GPC6: variants seen among roughly 807,000 people sequenced by gnomAD.
GPC6 encodes glypican-6.
GPC6 carries 14 observed loss-of-function variants against 55.2 expected under a neutral mutation model. The observed-to-expected ratio is 0.25, with a 90% CI of 0.17 to 0.40. GPC6 has a LOEUF of 0.40. GPC6 is among the 10% of genes least tolerant of loss of function. GPC6 has a pLI of 1.00. For synonymous variants in GPC6, 278 were observed against 259.6 expected (o/e 1.07, Z -0.68); for missense variants, 641 against 708.5 (o/e 0.90, Z 1.08).
chr13:94,322,147 T>C (rs1876861463), intron 6 of GPC6, among the ~76,000 whole-genome samples: 1 of 152,200 alleles, frequency 6.6e-6, no homozygotes, highest in South Asian at 2.1e-4. Context: ...CCCCATACTG[T>C]TCACGAGACT....
intron 6 of GPC6, among the ~76,000 whole-genome samples, chr13:94,343,488 A>C (rs1200282198): frequency 1.3e-5 from 2 of 152,206 alleles, no homozygotes; most frequent in African/African-American, 4.8e-5. Context: ...AACTGAGTGC[A>C]TAAGACTCAT....
chr13:93,882,328 G>A (rs1239435091), intron 3 of GPC6, among the ~76,000 whole-genome samples: 2 of 151,684 alleles, frequency 1.3e-5, no homozygotes, highest in African/African-American at 4.8e-5. Context: ...TGAATTTTGT[G>A]TAGAGACAGG....
intron 4 of GPC6, among the ~76,000 whole-genome samples, chr13:94,251,510 A>G (rs1389407738): frequency 6.6e-6 from 1 of 152,038 alleles, no homozygotes; most frequent in Admixed American, 6.6e-5. Context: ...AGAATTGAGA[A>G]AGACTATACA....
chr13:93,891,892 GTA>G (rs1875707207), intron 3 of GPC6, among the ~76,000 whole-genome samples: 2 of 151,780 alleles, frequency 1.3e-5, no homozygotes, highest in East Asian at 3.9e-4. Flanking sequence ...TATATTGTGT[GTA>G]TAGTGTGTGT....
At chr13:93,387,904 A>C (rs1875467609) in intron 1 of GPC6, among the ~76,000 whole-genome samples, 1 of 152,132 alleles carries the variant, frequency 6.6e-6, no homozygotes, top group Admixed American at 6.6e-5. Flanking sequence ...TTTCTATTTC[A>C]TCAGTTTTAT....
intron 3 of GPC6, among the ~76,000 whole-genome samples, chr13:93,936,688 T>A (rs1878451208): frequency 6.6e-6 from 1 of 152,172 alleles, no homozygotes; most frequent in South Asian, 2.1e-4. Flanking sequence ...TATTTACTTA[T>A]CCCAATGCAT....
At chr13:93,817,241 T>TA (rs2138959457) in intron 2 of GPC6, among the ~76,000 whole-genome samples, 1 of 152,330 alleles carries the variant, frequency 6.6e-6, no homozygotes, top group Admixed American at 6.5e-5. Context: ...TCAGTTAATA[T>TA]AAGAATCCCT....
chr13:94,083,281 T>G (rs995171427), intron 4 of GPC6, among the ~76,000 whole-genome samples: 7 of 151,750 alleles, frequency 4.6e-5, no homozygotes, highest in South Asian at 4.2e-4. Flanking sequence ...ACCACACCCG[T>G]CTAATTTTTT....
chr13:94,115,310 A>G (rs1192236714), intron 4 of GPC6, among the ~76,000 whole-genome samples: 1 of 151,988 alleles, frequency 6.6e-6, no homozygotes, highest in Admixed American at 6.6e-5. Context: ...TTTGAAACGC[A>G]CTGGTAATGA....
intron 2 of GPC6, among the ~76,000 whole-genome samples, chr13:93,560,270 G>A (rs983177843): frequency 6.6e-6 from 1 of 151,690 alleles, no homozygotes; most frequent in Non-Finnish European, 1.5e-5. Context: ...CACTTTGGGA[G>A]GCCAAGGTAG....
At chr13:93,988,836 C>T (rs1006340368) in intron 3 of GPC6, among the ~76,000 whole-genome samples, 7 of 151,922 alleles carry the variant, frequency 4.6e-5, no homozygotes, top group Non-Finnish European at 8.8e-5. Context: ...TCATGTCTGA[C>T]ATATAGGGAA....
intron 3 of GPC6, among the ~76,000 whole-genome samples, chr13:93,862,338 T>C (rs1028918823): frequency 1.5e-4 from 23 of 151,522 alleles, no homozygotes; most frequent in Non-Finnish European, 8.9e-5. Flanking sequence ...AGCCTAAGAA[T>C]GGACTTTGCT....
intron 4 of GPC6, among the ~76,000 whole-genome samples, chr13:94,054,827 AT>A (rs1280132048): frequency 6.6e-6 from 1 of 152,098 alleles, no homozygotes; most frequent in Non-Finnish European, 1.5e-5. Flanking sequence ...TGGGGGAGTG[AT>A]TTCGACTTTA....
At chr13:93,767,163 T>C (rs897771794) in intron 2 of GPC6, among the ~76,000 whole-genome samples, 2 of 152,154 alleles carry the variant, frequency 1.3e-5, no homozygotes, top group Non-Finnish European at 2.9e-5. Context: ...TGAAAAGAGA[T>C]GTGCCGTAAT....
intron 2 of GPC6, among the ~76,000 whole-genome samples, chr13:93,567,249 A>G (rs1876174870): frequency 6.6e-6 from 1 of 152,190 alleles, no homozygotes; most frequent in Non-Finnish European, 1.5e-5. Context: ...CATATTCTGG[A>G]AACAATGAAG....
chr13:94,109,996 C>T (rs928427177), intron 4 of GPC6, among the ~76,000 whole-genome samples: 6 of 140,206 alleles, frequency 4.3e-5, no homozygotes, highest in African/African-American at 1.6e-4. Flanking sequence ...TAATGATTTG[C>T]AAAGCTTTCA....
chr13:93,749,813 C>T (rs751935211), intron 2 of GPC6, among the ~76,000 whole-genome samples: 9 of 152,070 alleles, frequency 5.9e-5, no homozygotes, highest in Non-Finnish European at 1.0e-4. Flanking sequence ...AAAAATACAA[C>T]GTCAAATGGC....
At chr13:93,377,611 T>C (rs1295189739) in intron 1 of GPC6, among the ~76,000 whole-genome samples, 4 of 152,172 alleles carry the variant, frequency 2.6e-5, no homozygotes, top group African/African-American at 9.7e-5. Context: ...GTAGCAGTTC[T>C]AGGAGGGGGA....
intron 1 of GPC6, among the ~76,000 whole-genome samples, chr13:93,486,539 G>A (rs1594204287): frequency 6.6e-6 from 1 of 152,182 alleles, no homozygotes; most frequent in East Asian, 1.9e-4. Context: ...AGCCATTGAT[G>A]TGCTAATAAA....
Sources: allele counts gnomAD v4.1 joint callset (sites outside exome capture counted in the v4.1 genomes callset), GRCh38; gene constraint gnomAD v4.1.1; transcripts MANE v1.5; gene names NCBI Gene and HGNC (gene_info 2026-07-23, HGNC 2026-07-21).